Variants in NR3C2 observed in about 807,000 individuals in gnomAD.
NR3C2 encodes nuclear receptor subfamily 3 group C member 2, also known as mineralocorticoid receptor.
In NR3C2, 15 loss-of-function variants were observed where a neutral mutation model predicts 86.4. The ratio of observed to expected loss-of-function variants is 0.17; its 90% CI spans 0.12 to 0.27. The LOEUF (loss-of-function observed/expected upper bound fraction) is 0.27, where lower values mean the gene tolerates loss of function less well. Among genes scored for constraint, NR3C2 ranks in the 10% least tolerant of loss-of-function variants. NR3C2 has a pLI of 1.00. For missense variants in NR3C2, 960 were observed against 1,195.6 expected, an observed-to-expected ratio of 0.80 and a Z score of 2.91; for synonymous variants, 458 against 450.5, an observed-to-expected ratio of 1.02 and a Z score of -0.21.
intron 4 of NR3C2, among the ~76,000 whole-genome samples, chr4:148,164,344 T>G (rs928688660): frequency 6.6e-6 from 1 of 152,208 alleles, no homozygotes; most frequent in African/African-American, 2.4e-5. Context: ...ACTTCTTTTA[T>G]TAAAAATAAA....
chr4:148,130,804 G>GTTTT (rs1560936840), intron 6 of NR3C2, among the ~76,000 whole-genome samples: 2 of 50,000 alleles, frequency 4.0e-5, no homozygotes, highest in African/African-American at 9.9e-5. Flanking sequence ...TTTTTGTTTT[G>GTTTT]TTTTGTTTTG....
At chr4:148,310,626 T>C (rs1254473063) in intron 2 of NR3C2, among the ~76,000 whole-genome samples, 1 of 152,340 alleles carries the variant, frequency 6.6e-6, no homozygotes, top group South Asian at 2.1e-4. Context: ...TGCTTCTAAC[T>C]AATGTCGACT....
At chr4:148,378,988 C>T (rs544595481) in intron 2 of NR3C2, among the ~76,000 whole-genome samples, 71 of 152,172 alleles carry the variant, frequency 4.7e-4, no homozygotes, top group African/African-American at 1.6e-3. Flanking sequence ...ACTAAGTCAA[C>T]CTGTACCAGC....
At chr4:148,362,654 G>A (rs933145109) in intron 2 of NR3C2, among the ~76,000 whole-genome samples, 1 of 152,124 alleles carries the variant, frequency 6.6e-6, no homozygotes. Context: ...AAGAAAATGG[G>A]CACAGTTCCC....
chr4:148,318,702 C>T (rs1045719847), intron 2 of NR3C2, among the ~76,000 whole-genome samples: 143 of 151,284 alleles, frequency 9.5e-4, no homozygotes, highest in African/African-American at 2.9e-3. Context: ...TCATGTCCTT[C>T]GCCCACTTTT....
chr4:148,360,480 G>A (rs1385653503), intron 2 of NR3C2, among the ~76,000 whole-genome samples: 1 of 152,096 alleles, frequency 6.6e-6, no homozygotes, highest in East Asian at 1.9e-4. Context: ...AAGCTAAAGT[G>A]CTTATAGGCA....
chr4:148,319,231 C>A (rs897559721), intron 2 of NR3C2, among the ~76,000 whole-genome samples: 1 of 152,026 alleles, frequency 6.6e-6, no homozygotes, highest in Non-Finnish European at 1.5e-5. Context: ...GTTCCATTGA[C>A]CTATATCTCT....
At chr4:148,192,065 T>C (rs1329489600) in intron 4 of NR3C2, among the ~76,000 whole-genome samples, 2 of 152,240 alleles carry the variant, frequency 1.3e-5, no homozygotes, top group Non-Finnish European at 2.9e-5. Flanking sequence ...AGAGCCTTGT[T>C]TTGCCATATT....
intron 2 of NR3C2, among the ~76,000 whole-genome samples, chr4:148,397,261 C>T (rs1174502311): frequency 6.6e-6 from 1 of 152,242 alleles, no homozygotes; most frequent in Non-Finnish European, 1.5e-5. Context: ...GACACCAAGG[C>T]CTCTGCCTGG....
At chr4:148,220,558 C>T (rs188961075) in intron 3 of NR3C2, among the ~76,000 whole-genome samples, 38 of 152,282 alleles carry the variant, frequency 2.5e-4, no homozygotes, top group African/African-American at 4.6e-4. Flanking sequence ...GTAATCCCAG[C>T]GCTTTGAGAC....
chr4:148,157,845 A>C (rs1011827645), intron 4 of NR3C2, among the ~76,000 whole-genome samples: 9 of 152,220 alleles, frequency 5.9e-5, no homozygotes, highest in African/African-American at 1.9e-4. Context: ...ATTTGTGTTT[A>C]TAATTATAGC....
chr4:148,224,801 GAGT>G (rs1384092339), intron 3 of NR3C2, among the ~76,000 whole-genome samples: 1 of 152,126 alleles, frequency 6.6e-6, no homozygotes, highest in Admixed American at 6.6e-5. Context: ...TTGTTATAAG[GAGT>G]AGAAGAAACA....
intron 2 of NR3C2, among the ~76,000 whole-genome samples, chr4:148,327,838 T>C (rs1441255332): frequency 6.6e-6 from 1 of 152,226 alleles, no homozygotes; most frequent in Non-Finnish European, 1.5e-5. Context: ...ATCTGCCCTC[T>C]CACATACACC....
intron 6 of NR3C2, among the ~76,000 whole-genome samples, chr4:148,151,916 C>T (rs1200412550): frequency 3.3e-5 from 5 of 152,122 alleles, no homozygotes; most frequent in African/African-American, 7.2e-5. Flanking sequence ...AAACTGATTA[C>T]GATTCTTTCA....
chr4:148,188,606 C>G (rs1223408679), intron 4 of NR3C2, among the ~76,000 whole-genome samples: 1 of 152,028 alleles, frequency 6.6e-6, no homozygotes, highest in East Asian at 1.9e-4. Flanking sequence ...TTGCTGAATT[C>G]TTTTATCAGT....
At chr4:148,150,620 C>T (rs1056039766) in intron 6 of NR3C2, among the ~76,000 whole-genome samples, 1 of 152,148 alleles carries the variant, frequency 6.6e-6, no homozygotes, top group African/African-American at 2.4e-5. Context: ...AACAAGATGG[C>T]GGAGTGGTCC....
At position 148,426,109 on chromosome 4, in the gene NR3C2, G is replaced by A. The variant is rs890062827; in HGVS notation, c.1757+8995C>T. On this transcript the variant is annotated intron_variant, in intron 2 of 8. Transcript: ENST00000358102. ...TACTCTGAACCTGCCATTTCTTTGCGCTACCATCTCCTCCATTTAACCACT... is the reference window on the plus strand; with the variant it reads ...TACTCTGAACCTGCCATTTCTTTGCACTACCATCTCCTCCATTTAACCACT... Among the ~76,000 whole-genome samples, 7 of 152,144 alleles carry A rather than the reference G, an allele frequency of 4.6e-5. No homozygotes were observed. In the South Asian group the frequency reaches 1.0e-3, roughly 23 times the overall value.
chr4:148,335,135 A>G (rs1396176379), intron 2 of NR3C2, among the ~76,000 whole-genome samples: 1 of 152,148 alleles, frequency 6.6e-6, no homozygotes, highest in Non-Finnish European at 1.5e-5. Flanking sequence ...AGGTGTTAGG[A>G]TTTCAATCTA....
chr4:148,442,679 T>G (rs557478825), upstream of NR3C2: 5 of 985,380 alleles, frequency 5.1e-6, no homozygotes, highest in South Asian at 1.9e-4. Flanking sequence ...GCGACATGAC[T>G]GATACAAAGT....
Sources: allele counts gnomAD v4.1 joint callset (sites outside exome capture counted in the v4.1 genomes callset), GRCh38; gene constraint gnomAD v4.1.1; transcripts MANE v1.5; gene names NCBI Gene and HGNC (gene_info 2026-07-23, HGNC 2026-07-21).